LZTFL1: variants seen among roughly 807,000 people sequenced by gnomAD.
LZTFL1 encodes leucine zipper transcription factor like 1.
Under a neutral mutation model 45.9 loss-of-function variants are expected in LZTFL1, and 25 were observed. That is an observed-to-expected ratio of 0.54 (90% CI 0.40 to 0.76). LZTFL1 has a LOEUF of 0.76. LZTFL1 is among the 30% of genes least tolerant of loss of function. LZTFL1 has a pLI of 0.00. For missense variants in LZTFL1, 277 were observed against 331.1 expected, an observed-to-expected ratio of 0.84 and a Z score of 1.27; for synonymous variants, 93 against 117.4, an observed-to-expected ratio of 0.79 and a Z score of 1.35.
chr3:45,890,315 A>T (rs1477260353), intron 2 of LZTFL1, among the ~76,000 whole-genome samples: 7 of 59,348 alleles, frequency 1.2e-4, no homozygotes, highest in South Asian at 4.0e-4. Flanking sequence ...ATATATATAT[A>T]TTTATATAAA....
intron 2 of LZTFL1, among the ~76,000 whole-genome samples, chr3:45,868,491 G>A (rs1347021487): frequency 6.6e-6 from 1 of 152,144 alleles, no homozygotes; most frequent in Non-Finnish European, 1.5e-5. Context: ...CACATGTAAA[G>A]CTTTTGTTCA....
At position 45,824,826 on chromosome 3, in the gene LZTFL1, C is replaced by G; in HGVS notation, c.*1488G>C. On this transcript the variant is annotated 3_prime_UTR_variant, in exon 10 of 10. Transcript: ENST00000296135. Reference sequence around the variant, plus strand: ...AGAAATACAGGGTGAGAATGAAGCCCTCAACAAAAGCTCCAAAAGGGCACA... The same window carrying G: ...AGAAATACAGGGTGAGAATGAAGCCGTCAACAAAAGCTCCAAAAGGGCACA... 2 of 398,290 alleles carry G rather than the reference C, an allele frequency of 5.0e-6. No individual in the cohort carries two copies. The highest frequency in any genetic ancestry group is 8.9e-6 in the Non-Finnish European group (2 of 225,894). 24.7% of individuals were successfully genotyped at this position (398,290 alleles called of 1,614,324 possible). A position where few individuals can be genotyped will look rare whatever the true frequency, so the allele number is the denominator to read the frequency against.
At chr3:45,868,296 C>T (rs143468356) in intron 2 of LZTFL1, among the ~76,000 whole-genome samples, 115 of 151,790 alleles carry the variant, frequency 7.6e-4, no homozygotes, top group African/African-American at 2.5e-3. Flanking sequence ...CCACTCGCTT[C>T]GTAGAGTTGT....
chr3:45,853,553 C>T (rs1559409968), intron 4 of LZTFL1, among the ~76,000 whole-genome samples: 1 of 152,120 alleles, frequency 6.6e-6, no homozygotes, highest in Non-Finnish European at 1.5e-5. Flanking sequence ...CATGTATTTT[C>T]TTCTCTTCTT....
chr3:45,843,270 T>A (rs1038848845), upstream of LZTFL1, among the ~76,000 whole-genome samples: 3 of 152,242 alleles, frequency 2.0e-5, no homozygotes, highest in African/African-American at 7.2e-5. Flanking sequence ...TTCTGTTTAG[T>A]GAGTGTTGTT....
chr3:45,845,559 G>A (rs1306237993), upstream of LZTFL1, among the ~76,000 whole-genome samples: 1 of 152,120 alleles, frequency 6.6e-6, no homozygotes, highest in Non-Finnish European at 1.5e-5. Context: ...GTCCAGAGAT[G>A]TACATTTATT....
intron 2 of LZTFL1, among the ~76,000 whole-genome samples, chr3:45,836,358 G>T (rs189013744): frequency 1.3e-5 from 2 of 152,114 alleles, no homozygotes; most frequent in African/African-American, 2.4e-5. Flanking sequence ...AATAGCATTA[G>T]AAATCTACTC....
Position 45,842,037 on chromosome 3 carries a change from C to G in LZTFL1, c.-46G>C. The stretch of plus-strand genomic sequence containing the variant: ...GCCTAAAGGAACGGGAGAGGCCAGG[C>G]GGTGCCCCGCCAAGCCTGGGATCGC... On this transcript the variant is annotated 5_prime_UTR_variant, in exon 1 of 10. Transcript: ENST00000296135. The G allele has an allele frequency of 6.2e-7, 1 of 1,600,658 alleles. No individual in the cohort carries two copies. Among genetic ancestry groups the G allele is most frequent in the African/African-American group, 1.3e-5 (1 of 74,816 alleles).
Position 45,897,571 on chromosome 3 carries a change from GC to G in LZTFL1, c.-215+15548del, listed in dbSNP as rs1702397552. ...ATTCTGCTCCTGCAGTCTCCTCCAG[GC>G]CCCGCTCCAGATCACCTTCCCTCGC... On this transcript the variant is annotated intron_variant, in intron 2 of 4. Coordinates refer to the LZTFL1 transcript ENST00000472635. 5 of 1,535,468 alleles carry G rather than the reference GC, an allele frequency of 3.3e-6. No homozygotes were observed. The African/African-American group carries it at 6.8e-5, about 21-fold the overall frequency.
chr3:45,910,257 T>C (rs1702767412), intron 2 of LZTFL1, among the ~76,000 whole-genome samples: 1 of 151,684 alleles, frequency 6.6e-6, no homozygotes, highest in South Asian at 2.1e-4. Flanking sequence ...GGTGGCGGAG[T>C]TGGAGTGACG....
At chr3:45,869,385 T>C (rs180980276) in intron 2 of LZTFL1, among the ~76,000 whole-genome samples, 346 of 152,348 alleles carry the variant, frequency 2.3e-3, no homozygotes, top group Admixed American at 6.1e-3. Flanking sequence ...GAAGACGCCA[T>C]GCCTTCCAGT....
intron 2 of LZTFL1, among the ~76,000 whole-genome samples, chr3:45,905,756 C>A (rs1702667732): frequency 6.6e-6 from 1 of 152,100 alleles, no homozygotes; most frequent in Admixed American, 6.6e-5. Flanking sequence ...TGCCAGCACA[C>A]CCTCATGGTG....
intron 5 of LZTFL1, 35 bp downstream of exon 5, chr3:45,833,015 G>A (rs779424494): frequency 6.7e-7 from 1 of 1,496,772 alleles, no homozygotes. Context: ...AGGACAGAAT[G>A]AGAGACTTTC....
chr3:45,839,814 T>C (rs555507223), intron 1 of LZTFL1, among the ~76,000 whole-genome samples: 1 of 152,314 alleles, frequency 6.6e-6, no homozygotes, highest in South Asian at 2.1e-4. Context: ...AGTACACACA[T>C]GCTCCACCAC....
At chr3:45,894,904 A>AGGAGC in intron 2 of LZTFL1, 1 of 1,613,234 alleles carries the variant, frequency 6.2e-7, no homozygotes, top group Non-Finnish European at 8.5e-7. Context: ...TCCCTTTTCC[A>AGGAGC]GGAGCAGGCT....
intron 3 of LZTFL1, among the ~76,000 whole-genome samples, chr3:45,856,816 A>T (rs1701401071): frequency 6.6e-6 from 1 of 152,204 alleles, no homozygotes; most frequent in African/African-American, 2.4e-5. Context: ...CAAAACCACA[A>T]TGAGATACCA....
intron 2 of LZTFL1, among the ~76,000 whole-genome samples, chr3:45,871,509 T>C (rs746543839): frequency 3.3e-5 from 5 of 152,382 alleles, no homozygotes; most frequent in Non-Finnish European, 7.3e-5. Context: ...TTGAAAAATA[T>C]GTGTTATCTT....
chr3:45,830,091 T>C (rs1662945865), intron 7 of LZTFL1, among the ~76,000 whole-genome samples: 1 of 152,214 alleles, frequency 6.6e-6, no homozygotes, highest in South Asian at 2.1e-4. Context: ...GGGGGTTCAT[T>C]ATACTATTCT....
At chr3:45,833,001 T>C (rs1181097263) in intron 5 of LZTFL1, 49 bp downstream of exon 5, 13 of 1,388,940 alleles carry the variant, frequency 9.4e-6, no homozygotes, top group East Asian at 2.3e-5. Context: ...CCCTAGGCAA[T>C]GACAGGACAG....
Sources: allele counts gnomAD v4.1 joint callset (sites outside exome capture counted in the v4.1 genomes callset), GRCh38; gene constraint gnomAD v4.1.1; transcripts MANE v1.5; gene names NCBI Gene and HGNC (gene_info 2026-07-23, HGNC 2026-07-21).